Variants in ESRRG observed in about 807,000 individuals in gnomAD.
The protein encoded by ESRRG is estrogen-related receptor gamma.
Under a neutral mutation model 44.0 loss-of-function variants are expected in ESRRG, and 13 were observed. That is an observed-to-expected ratio of 0.30 (90% confidence interval 0.19 to 0.47). The LOEUF is 0.47. Among genes scored for constraint, ESRRG ranks in the 20% least tolerant of loss-of-function variants. The pLI, the probability that ESRRG is intolerant of heterozygous loss-of-function variation, is 1.00. For missense variants in ESRRG, 395 were observed against 580.6 expected, an observed-to-expected ratio of 0.68 and a Z score of 3.29; for synonymous variants, 215 against 214.6, an observed-to-expected ratio of 1.00 and a Z score of -0.02.
chr1:217,010,272 CA>C, intron 1 of ESRRG, among the ~76,000 whole-genome samples: 1 of 152,184 alleles, frequency 6.6e-6, no homozygotes, highest in Non-Finnish European at 1.5e-5. Context: ...GTCTCTTTGG[CA>C]AAAGAGAGCC....
chr1:217,100,566 T>C (rs830318), intron 1 of ESRRG, among the ~76,000 whole-genome samples: 1 of 152,098 alleles, frequency 6.6e-6, no homozygotes, highest in African/African-American at 2.4e-5. Flanking sequence ...TAAATACCTG[T>C]CACTGGGTAA....
intron 1 of ESRRG, among the ~76,000 whole-genome samples, chr1:217,075,589 T>TC (rs66514039): frequency 0.015 from 2,191 of 145,336 alleles, 47 homozygotes; most frequent in African/African-American, 0.042. Flanking sequence ...ATTGCTCCTT[T>TC]CCCCCCCCCA....
At chr1:216,981,818 T>C (rs1446848932) in intron 1 of ESRRG, among the ~76,000 whole-genome samples, 2 of 152,108 alleles carry the variant, frequency 1.3e-5, no homozygotes, top group African/African-American at 4.8e-5. Context: ...GGAGTGCTGC[T>C]GGTTATGGAT....
chr1:216,730,663 C>T (rs2088592357), intron 2 of ESRRG, among the ~76,000 whole-genome samples: 1 of 152,098 alleles, frequency 6.6e-6, no homozygotes, highest in African/African-American at 2.4e-5. Context: ...TGCTATTACT[C>T]AGTTAATTAT....
intron 1 of ESRRG, among the ~76,000 whole-genome samples, chr1:217,003,851 T>C (rs553163859): frequency 3.6e-4 from 55 of 151,870 alleles, no homozygotes; most frequent in African/African-American, 1.3e-3. Flanking sequence ...CCAGATGACA[T>C]ATGGGTACAT....
chr1:216,613,434 A>G (rs2060948768), intron 3 of ESRRG, among the ~76,000 whole-genome samples: 1 of 152,206 alleles, frequency 6.6e-6, no homozygotes, highest in Non-Finnish European at 1.5e-5. Flanking sequence ...TTTTTGGCAG[A>G]GGTGCTATAA....
chr1:216,829,127 A>T (rs1055133688), intron 2 of ESRRG, among the ~76,000 whole-genome samples: 1 of 152,140 alleles, frequency 6.6e-6, no homozygotes, highest in African/African-American at 2.4e-5. Flanking sequence ...TGGCTGTGAA[A>T]ATCAATTTAC....
intron 3 of ESRRG, among the ~76,000 whole-genome samples, chr1:216,625,015 G>T (rs982792270): frequency 6.6e-6 from 1 of 151,938 alleles, no homozygotes; most frequent in African/African-American, 2.4e-5. Flanking sequence ...CATTCAAAAT[G>T]CTCACCAAAT....
chr1:216,920,417 TGTGCGC>T lies in ESRRG; in HGVS notation c.-14+19159_-14+19164del, dbSNP rs766955457. Among the ~76,000 whole-genome samples, 922 of 123,864 alleles carry T rather than the reference TGTGCGC, an allele frequency of 7.4e-3. 8 individuals carry two copies. Among genetic ancestry groups the T allele is most frequent in the African/African-American group, 0.028 (886 of 31,328 alleles). 81.3% of individuals were successfully genotyped at this position (123,864 alleles called of 152,430 possible). A position where few individuals can be genotyped will look rare whatever the true frequency, so the allele number is the denominator to read the frequency against. Reference sequence around the variant, plus strand: ...GTGTGTGTGTGTGTGTGTGTGTGTGTGTGCGCATATTTTTCTGTAGGGACAATTGTG... The same window carrying T: ...GTGTGTGTGTGTGTGTGTGTGTGTGTATATTTTTCTGTAGGGACAATTGTG... On this transcript the variant is annotated intron_variant, in intron 2 of 7. Transcript: ENST00000359162.
chr1:216,987,635 C>T (rs1408262198), intron 1 of ESRRG, among the ~76,000 whole-genome samples: 4 of 152,186 alleles, frequency 2.6e-5, no homozygotes, highest in Non-Finnish European at 5.9e-5. Context: ...CCACTGTCTA[C>T]CCTATGAGCT....
At chr1:216,593,606 T>C (rs552717381) in intron 3 of ESRRG, among the ~76,000 whole-genome samples, 121 of 152,356 alleles carry the variant, frequency 7.9e-4, no homozygotes, top group African/African-American at 2.8e-3. Context: ...TCTACACTTC[T>C]GTAAAGTTTG....
At chr1:216,559,149 C>A (rs561556769) in intron 5 of ESRRG, among the ~76,000 whole-genome samples, 2 of 152,088 alleles carry the variant, frequency 1.3e-5, no homozygotes, top group African/African-American at 4.8e-5. Flanking sequence ...CAATTACTGG[C>A]GTGATCCACC....
At chr1:216,702,616 A>AAG (rs1163971751) in intron 1 of ESRRG, among the ~76,000 whole-genome samples, 1 of 150,506 alleles carries the variant, frequency 6.6e-6, no homozygotes, top group South Asian at 2.1e-4. Context: ...TACAAAAAAA[A>AAG]AAAAAAGAAA....
At chr1:216,646,125 G>GA (rs2067522768) in intron 3 of ESRRG, among the ~76,000 whole-genome samples, 2 of 151,882 alleles carry the variant, frequency 1.3e-5, no homozygotes, top group South Asian at 4.1e-4. Context: ...TATTGTTAGT[G>GA]AAAACCTCTG....
chr1:216,547,143 T>C (rs1246084951), intron 5 of ESRRG, among the ~76,000 whole-genome samples: 1 of 152,058 alleles, frequency 6.6e-6, no homozygotes, highest in Non-Finnish European at 1.5e-5. Flanking sequence ...GGAGAGGCCA[T>C]CTTCAAATCT....
At chr1:217,053,465 A>AAAGAAAGAAAGAAAGAAAGAAAGAAAG (rs2086483742) in intron 1 of ESRRG, among the ~76,000 whole-genome samples, 4 of 145,512 alleles carry the variant, frequency 2.7e-5, no homozygotes, top group African/African-American at 5.1e-5. Context: ...AAAGCCAAAA[A>AAAGAAAGAAAGAAAGAAAGAAAGAAAG]AAAGAAAGAA....
At chr1:217,028,553 A>G (rs2081556765) in intron 1 of ESRRG, among the ~76,000 whole-genome samples, 1 of 152,202 alleles carries the variant, frequency 6.6e-6, no homozygotes, top group African/African-American at 2.4e-5. Flanking sequence ...GAGGGGTGAG[A>G]GAAATTTCTG....
intron 1 of ESRRG, among the ~76,000 whole-genome samples, chr1:217,011,075 C>A (rs376021735): frequency 1.4e-4 from 22 of 152,284 alleles, no homozygotes; most frequent in South Asian, 1.0e-3. Flanking sequence ...CCACCAAACG[C>A]CATCAACTCA....
At position 216,917,141 on chromosome 1, in the gene ESRRG, C is replaced by CA. The variant is rs1291998006; in HGVS notation, c.-14+22440dup. Among the ~76,000 whole-genome samples, 13 of 150,074 alleles carry CA rather than the reference C, an allele frequency of 8.7e-5. No homozygotes were observed. In the Admixed American group the frequency reaches 8.7e-4, roughly 10 times the overall value. ...CAGTCTCAGCATACAGTCTCTCCAG[C>CA]AGCATAAATAGACTTTCTTTTTTTT... On this transcript the variant is annotated intron_variant, in intron 2 of 7. Transcript: ENST00000359162.
Sources: gnomAD v4.1 joint callset for allele counts (sites outside exome capture counted in the v4.1 genomes callset) on GRCh38, gnomAD v4.1.1 for gene constraint, MANE v1.5 for transcripts, NCBI Gene and HGNC (gene_info 2026-07-23, HGNC 2026-07-21) for gene names.